Variants in MYCBP2 observed in about 807,000 individuals in gnomAD.
The protein encoded by MYCBP2 is E3 ubiquitin-protein ligase MYCBP2.
In MYCBP2, 120 loss-of-function variants were observed where a neutral mutation model predicts 525.3. The observed-to-expected ratio is 0.23, with a 90% CI of 0.20 to 0.27. The LOEUF (loss-of-function observed/expected upper bound fraction) is 0.27, where lower values mean the gene tolerates loss of function less well. MYCBP2 is among the 10% of genes least tolerant of loss of function. The pLI, the probability that MYCBP2 is intolerant of heterozygous loss-of-function variation, is 1.00. For synonymous variants in MYCBP2, 1,894 were observed against 1,955.8 expected, an observed-to-expected ratio of 0.97 and a Z score of 0.83; for missense variants, 4,149 against 5,657.1, an observed-to-expected ratio of 0.73 and a Z score of 8.55.
chr13:77,310,514 T>A (rs906061931), intron 1 of MYCBP2, among the ~76,000 whole-genome samples: 3 of 152,290 alleles, frequency 2.0e-5, no homozygotes, highest in South Asian at 4.1e-4. Context: ...CAACAGAGAC[T>A]CTATGGCCCA....
chr13:77,177,812 A>AC lies in MYCBP2; in HGVS notation c.5275dup (p.Val1759GlyfsTer13). 1.2e-6 allele frequency: 2 copies of AC among 1,614,032 alleles called. No individual in the cohort carries two copies. Among genetic ancestry groups the AC allele is most frequent in the Non-Finnish European group, 1.7e-6 (2 of 1,179,952 alleles). On this transcript the variant is annotated frameshift_variant, in exon 35 of 83. Coordinates refer to ENST00000544440, the MANE Select transcript of MYCBP2 (RefSeq NM_015057.5). LOFTEE classifies it high-confidence loss of function. Reference sequence around the variant, plus strand: ...ACCTCCTCCATAGACAGAGAAACCAACCACAACTATTCCAGGTTTGTCTAC... The same window carrying AC: ...ACCTCCTCCATAGACAGAGAAACCAACCCACAACTATTCCAGGTTTGTCTAC...
At chr13:77,049,663 A>C (rs1051635175) in intron 82 of MYCBP2, among the ~76,000 whole-genome samples, 1 of 151,934 alleles carries the variant, frequency 6.6e-6, no homozygotes, top group Non-Finnish European at 1.5e-5. Flanking sequence ...TTTTTTTTGA[A>C]ACAGCTCTGT....
chr13:77,101,718 T>C (rs1460907675), intron 55 of MYCBP2, among the ~76,000 whole-genome samples: 1 of 152,010 alleles, frequency 6.6e-6, no homozygotes, highest in African/African-American at 2.4e-5. Context: ...GATAACTAAA[T>C]CTTTTTGAAA....
At chr13:77,168,023 T>C (rs979305184) in intron 40 of MYCBP2, among the ~76,000 whole-genome samples, 13 of 152,256 alleles carry the variant, frequency 8.5e-5, no homozygotes, top group African/African-American at 2.9e-4. Context: ...TTTAACATTA[T>C]GTATAGACTA....
Position 77,174,443 on chromosome 13 carries a change from G to A in MYCBP2, c.5519C>T (p.Thr1840Ile), listed in dbSNP as rs1566808712. 6.2e-7 allele frequency: 1 copy of A among 1,614,044 alleles called. No homozygotes were observed. The highest frequency in any genetic ancestry group is 1.3e-5 in the African/African-American group (1 of 75,014). The change falls in exon 37 of 83, where the codon ACA becomes ATA. Residue 1840 changes from threonine (T) to isoleucine (I), a missense_variant. By Grantham distance (89) the Thr-to-Ile change is moderately conservative (BLOSUM62 -1). This residue lies in a region of MYCBP2 where 109 missense variants were observed against 118.9 expected (regional missense o/e 0.92). Coordinates refer to ENST00000544440, the MANE Select transcript of MYCBP2 (RefSeq NM_015057.5). ...AVRLRNYGSR[T>I]ANGDGGMTTV... ...GGTCATTCCTCCATCTCCATTGGCT[G>A]TACGGCTTCCATAGTTCCTCAAGCG...
chr13:77,186,111 C>A, intron 30 of MYCBP2, 48 bp from the exon 31 acceptor site: 2 of 1,331,618 alleles, frequency 1.5e-6, no homozygotes, highest in South Asian at 1.8e-5. Context: ...CAAATGATAC[C>A]ATAAACGGAA....
chr13:77,268,003 A>G, intron 7 of MYCBP2, 66 bp from the exon 8 acceptor site: 2 of 957,622 alleles, frequency 2.1e-6, no homozygotes, highest in Non-Finnish European at 3.3e-6. Context: ...CAGCAGCCAT[A>G]CAGCTCCATA....
intron 73 of MYCBP2, among the ~76,000 whole-genome samples, chr13:77,064,299 T>G (rs1324052844): frequency 2.0e-5 from 3 of 152,222 alleles, no homozygotes; most frequent in Non-Finnish European, 4.4e-5. Context: ...CTAAACTTAC[T>G]GTGGTAAACT....
chr13:77,206,514 T>C, intron 24 of MYCBP2, 139 bp downstream of exon 24: 1 of 796,592 alleles, frequency 1.3e-6, no homozygotes, highest in East Asian at 3.0e-5. Flanking sequence ...ATTAGCCTCT[T>C]AGAGGATTTA....
At chr13:77,108,621 C>G (rs1310400184) in intron 55 of MYCBP2, among the ~76,000 whole-genome samples, 4 of 152,094 alleles carry the variant, frequency 2.6e-5, no homozygotes, top group African/African-American at 9.7e-5. Context: ...AAGTGACATC[C>G]TGAGAAAGAG....
intron 42 of MYCBP2, 84 bp from the exon 43 acceptor site, chr13:77,164,625 C>T (rs1224701274): frequency 1.2e-6 from 1 of 853,592 alleles, no homozygotes; most frequent in Middle Eastern, 2.2e-4. Context: ...TGAATTCAAG[C>T]ATTACTTTTG....
intron 49 of MYCBP2, among the ~76,000 whole-genome samples, chr13:77,143,131 G>A (rs2054953722): frequency 6.6e-6 from 1 of 152,144 alleles, no homozygotes; most frequent in African/African-American, 2.4e-5. Context: ...TAAAACAAAA[G>A]AAATATGTTT....
intron 21 of MYCBP2, among the ~76,000 whole-genome samples, chr13:77,212,770 T>C (rs2064199280): frequency 6.6e-6 from 1 of 152,220 alleles, no homozygotes; most frequent in African/African-American, 2.4e-5. Flanking sequence ...TTTAAAAGTA[T>C]GGCTCTCTAT....
intron 20 of MYCBP2, among the ~76,000 whole-genome samples, chr13:77,222,962 G>T (rs2065796945): frequency 6.6e-6 from 1 of 152,180 alleles, no homozygotes; most frequent in Admixed American, 6.5e-5. Flanking sequence ...ATAAGGCAGA[G>T]TAGAAGGTCA....
At chr13:77,185,512 G>T (rs2060638241) in intron 31 of MYCBP2, 135 bp from the exon 32 acceptor site, 1 of 996,712 alleles carries the variant, frequency 1.0e-6, no homozygotes, top group Non-Finnish European at 1.4e-6. Flanking sequence ...ACAACTTAGA[G>T]ATTAAGTGTA....
At chr13:77,301,377 C>T (rs9544454) in intron 1 of MYCBP2, among the ~76,000 whole-genome samples, 65,224 of 141,998 alleles carry the variant, frequency 0.46, 18,112 homozygotes, top group Non-Finnish European at 0.63. Context: ...GAGCCAAGAT[C>T]GCGCCACTGC....
chr13:77,158,754 T>C (rs1392579388), intron 44 of MYCBP2, among the ~76,000 whole-genome samples: 1 of 152,172 alleles, frequency 6.6e-6, no homozygotes, highest in Admixed American at 6.5e-5. Flanking sequence ...GGCTTCCCTC[T>C]TTTTCAGTCC....
At chr13:77,107,273 ATTAT>A (rs958296626) in intron 55 of MYCBP2, among the ~76,000 whole-genome samples, 8 of 152,178 alleles carry the variant, frequency 5.3e-5, no homozygotes, top group Admixed American at 1.3e-4. Flanking sequence ...TAATTTTTAA[ATTAT>A]TTATTTAAAA....
intron 42 of MYCBP2, 134 bp downstream of exon 42, chr13:77,165,139 G>A (rs999561791): frequency 4.4e-6 from 3 of 687,330 alleles, no homozygotes; most frequent in Non-Finnish European, 7.7e-6. Context: ...GCAATTACAG[G>A]TGTGAGCCAC....
Sources: gnomAD v4.1 joint callset for allele counts (sites outside exome capture counted in the v4.1 genomes callset) on GRCh38, gnomAD v4.1.1 for gene constraint, gnomAD v4.1.1 regional missense constraint, MANE v1.5 for transcripts, NCBI Gene and HGNC (gene_info 2026-07-23, HGNC 2026-07-21) for gene names.